FILIP1L: variants seen among roughly 807,000 people sequenced by gnomAD.
The protein encoded by FILIP1L is filamin A interacting protein 1 like.
A neutral mutation model predicts 96.6 loss-of-function variants in FILIP1L; 55 were observed. The ratio of observed to expected loss-of-function variants is 0.57; its 90% CI spans 0.46 to 0.71. FILIP1L has a LOEUF of 0.71. Among genes scored for constraint, FILIP1L ranks in the 30% least tolerant of loss-of-function variants. FILIP1L has a pLI of 0.00. For missense variants in FILIP1L, 1,304 were observed against 1,321.2 expected (o/e 0.99, Z 0.20); for synonymous variants, 467 against 473.9 (o/e 0.99, Z 0.19).
chr3:99,907,592 TGCACCCATAG>T (rs1388640201), intron 4 of FILIP1L, among the ~76,000 whole-genome samples: 1 of 152,150 alleles, frequency 6.6e-6, no homozygotes, highest in Non-Finnish European at 1.5e-5. Context: ...AACATAACAT[TGCACCCATAG>T]CTTCCACTGT....
Position 99,848,623 on chromosome 3 carries a change from C to T in FILIP1L, c.3053G>A (p.Arg1018His), listed in dbSNP as rs746025167. ...TGSASSPEQG[R>H]SPEPTEISAK... ...ACTGATTTCTGTTGGTTCTGGGGAG[C>T]GTCCCTGCTCAGGAGAGCTAGCTGA... is the stretch of plus-strand genomic sequence containing the variant. Residue 1018 changes from arginine (R) to histidine (H), a missense_variant, in exon 5 of 6, where the codon CGC becomes CAC. Transcript: ENST00000477258. 6 of 1,614,010 alleles carry T rather than the reference C, an allele frequency of 3.7e-6. No homozygotes were observed. Among genetic ancestry groups the T allele is most frequent in the African/African-American group, 2.7e-5 (2 of 74,888 alleles).
intron 5 of FILIP1L, among the ~76,000 whole-genome samples, chr3:99,843,522 A>T (rs1291035695): frequency 6.6e-6 from 1 of 152,220 alleles, no homozygotes; most frequent in Non-Finnish European, 1.5e-5. Flanking sequence ...GCTTGTCAAT[A>T]CAGATGCTTT....
At chr3:99,969,681 G>C (rs1708757840) in intron 1 of FILIP1L, among the ~76,000 whole-genome samples, 1 of 152,176 alleles carries the variant, frequency 6.6e-6, no homozygotes, top group Non-Finnish European at 1.5e-5. Context: ...ATCAGAGATT[G>C]TGGTCATCTT....
Position 100,023,718 on chromosome 3 carries a change from C to T in FILIP1L, c.-11+90335G>A, listed in dbSNP as rs562462549. On this transcript the variant is annotated intron_variant, in intron 1 of 5. Coordinates refer to ENST00000477258, the MANE Select transcript of FILIP1L (RefSeq NM_001387850.1). ...CCATGATGTATGTCATGGTATGCTGCAGAAAATTACAGGCCTGGTCTCGCC... is the reference window on the plus strand; with the variant it reads ...CCATGATGTATGTCATGGTATGCTGTAGAAAATTACAGGCCTGGTCTCGCC... Among the ~76,000 whole-genome samples the T allele has an allele frequency of 1.1e-4, 17 of 152,180 alleles. No homozygotes were observed. The South Asian group carries it at 3.5e-3, about 32-fold the overall frequency.
intron 1 of FILIP1L, among the ~76,000 whole-genome samples, chr3:100,059,410 T>C (rs1033253576): frequency 6.6e-6 from 1 of 152,238 alleles, no homozygotes; most frequent in Non-Finnish European, 1.5e-5. Context: ...TCCGTGATCA[T>C]CACTGCTTTC....
chr3:99,912,432 A>G (rs1706820113), intron 4 of FILIP1L, among the ~76,000 whole-genome samples: 1 of 152,136 alleles, frequency 6.6e-6, no homozygotes, highest in Non-Finnish European at 1.5e-5. Flanking sequence ...GCTGGAGTAT[A>G]ATGGCGTGAT....
chr3:99,957,535 A>G (rs920531580), intron 1 of FILIP1L, among the ~76,000 whole-genome samples: 8 of 152,004 alleles, frequency 5.3e-5, no homozygotes, highest in African/African-American at 1.9e-4. Flanking sequence ...TTAAGGAACA[A>G]AACAGTGCTC....
chr3:100,070,692 C>T (rs142745179), intron 1 of FILIP1L, among the ~76,000 whole-genome samples: 3,295 of 152,212 alleles, frequency 0.022, 59 homozygotes, highest in Non-Finnish European at 0.033. Context: ...AGTGCAGTGG[C>T]GCAATCTCGG....
rs528594468 is a variant in FILIP1L at position 99,923,710 on chromosome 3, A to G, written c.605+520T>C. 2.0e-5 allele frequency among the ~76,000 whole-genome samples: 3 copies of G among 152,296 alleles called. No homozygotes were observed. In the South Asian group the frequency reaches 6.2e-4, roughly 32 times the overall value. On this transcript the variant is annotated intron_variant, in intron 4 of 5. Coordinates refer to ENST00000477258, the MANE Select transcript of FILIP1L (RefSeq NM_001387850.1). ...CATGTTCCCTTAATCGTTCTTTAGG[A>G]AAGCATAACTGATCATCTTATTTTC...
intron 1 of FILIP1L, among the ~76,000 whole-genome samples, chr3:99,983,487 T>TAC (rs1709228021): frequency 4.1e-5 from 1 of 24,544 alleles, no homozygotes; most frequent in Non-Finnish European, 8.8e-5. Context: ...TATATATATA[T>TAC]ATATATATAT....
At chr3:99,902,339 G>A (rs1312013227) in intron 4 of FILIP1L, among the ~76,000 whole-genome samples, 1 of 152,160 alleles carries the variant, frequency 6.6e-6, no homozygotes, top group African/African-American at 2.4e-5. Context: ...GATATCTGTT[G>A]AATTGAACTG....
In FILIP1L at chr3:99,957,693, CTTTTTTTTTTTTT is replaced by C. The variant is rs779350496; in HGVS notation, c.-10-26676_-10-26664del. Among the ~76,000 whole-genome samples, 47 of 19,906 alleles carry C rather than the reference CTTTTTTTTTTTTT, an allele frequency of 2.4e-3. 1 individual carries two copies. Among genetic ancestry groups the C allele is most frequent in the African/African-American group, 7.4e-3 (44 of 5,982 alleles). The allele number at this position is 19,906 out of a possible 152,430, so 13.1% of individuals were successfully genotyped here. ...TTCTCCTTTTCTCTTTTCTTTCTTT[CTTTTTTTTTTTTT>C]TTTTTTTTTTTTTTTGGTGTGTGTG... On this transcript the variant is annotated intron_variant, in intron 1 of 5. Transcript: ENST00000477258.
intron 1 of FILIP1L, among the ~76,000 whole-genome samples, chr3:100,098,395 T>C (rs1283874293): frequency 6.6e-6 from 1 of 152,200 alleles, no homozygotes; most frequent in African/African-American, 2.4e-5. Context: ...CAGGCTAAAC[T>C]TTCTCATCTG....
At chr3:99,844,819 G>C (rs939866473) in intron 5 of FILIP1L, among the ~76,000 whole-genome samples, 1 of 152,140 alleles carries the variant, frequency 6.6e-6, no homozygotes, top group African/African-American at 2.4e-5. Flanking sequence ...GAGACCTGAT[G>C]GTTTAAAAGT....
intron 1 of FILIP1L, among the ~76,000 whole-genome samples, chr3:100,032,172 T>C (rs1009358736): frequency 6.6e-6 from 1 of 152,176 alleles, no homozygotes; most frequent in Non-Finnish European, 1.5e-5. Flanking sequence ...TAAAATATGA[T>C]ACTTGAAAGA....
intron 5 of FILIP1L, among the ~76,000 whole-genome samples, chr3:99,835,990 T>C (rs934791251): frequency 4.6e-5 from 7 of 152,156 alleles, no homozygotes; most frequent in Non-Finnish European, 8.8e-5. Flanking sequence ...CTGGTGAAGA[T>C]GTGAGGGTAT....
intron 5 of FILIP1L, among the ~76,000 whole-genome samples, chr3:99,838,850 C>G (rs550503973): frequency 6.6e-6 from 1 of 151,934 alleles, no homozygotes; most frequent in South Asian, 2.1e-4. Context: ...GTTTTTTGCC[C>G]TCTCTTTTAT....
chr3:99,948,229 A>T (rs1282832851), intron 1 of FILIP1L, among the ~76,000 whole-genome samples: 1 of 152,202 alleles, frequency 6.6e-6, no homozygotes, highest in East Asian at 1.9e-4. Context: ...AAGTTTGTTT[A>T]GAAAAGAGAG....
chr3:99,880,616 T>C (rs1029751129), intron 4 of FILIP1L, among the ~76,000 whole-genome samples: 3 of 152,202 alleles, frequency 2.0e-5, no homozygotes, highest in Admixed American at 2.0e-4. Context: ...CCTTTGTTAT[T>C]AAAACATTAA....
Sources: allele counts gnomAD v4.1 joint callset (sites outside exome capture counted in the v4.1 genomes callset), GRCh38; gene constraint gnomAD v4.1.1; transcripts MANE v1.5; gene names NCBI Gene and HGNC (gene_info 2026-07-23, HGNC 2026-07-21).